The following DNAJB4 variants were observed in gnomAD, a reference collection of about 807,000 sequenced individuals.
DNAJB4 encodes DnaJ heat shock protein family (Hsp40) member B4, also known as dnaJ homolog subfamily B member 4.
In DNAJB4, 10 loss-of-function variants were observed where a neutral mutation model predicts 26.6. That is an observed-to-expected ratio of 0.38 (90% confidence interval 0.23 to 0.64). DNAJB4 has a LOEUF of 0.64. Among genes scored for constraint, DNAJB4 ranks in the 30% least tolerant of loss-of-function variants. The probability of loss-of-function intolerance (pLI) is 0.58; values close to 1 mark genes in which losing one functional copy is unlikely to be tolerated. For missense variants in DNAJB4, 328 were observed against 408.2 expected (o/e 0.80, Z 1.69); for synonymous variants, 136 against 134.8 (o/e 1.01, Z -0.06).
rs561616237 is a variant in DNAJB4 at position 77,983,324 on chromosome 1, C to T, written c.-32+3002C>T. Among the ~76,000 whole-genome samples, 1,337 of 152,304 alleles carry T rather than the reference C, an allele frequency of 8.8e-3. 8 individuals carry two copies. The highest frequency in any genetic ancestry group is 0.014 in the Non-Finnish European group (921 of 68,026). ...GGTTTTATACCGAGACATTCCATTG[C>T]CCAGGGATGGGCAGGAGACAGATGC... On this transcript the variant is annotated intron_variant, in intron 1 of 2. Transcript: ENST00000426517.
upstream of DNAJB4, among the ~76,000 whole-genome samples, chr1:78,003,047 C>A (rs1441809438): frequency 5.3e-5 from 8 of 151,492 alleles, no homozygotes; most frequent in Non-Finnish European, 8.8e-5. Flanking sequence ...TTTCTGCAAA[C>A]ACTACCCGCC....
At chr1:77,988,764 G>A (rs10873960) in intron 1 of DNAJB4, among the ~76,000 whole-genome samples, 139,291 of 152,272 alleles carry the variant, frequency 0.91, 63,870 homozygotes, top group African/African-American at 0.95. Context: ...TTTTATCACC[G>A]TCTAACACAA....
In DNAJB4 at chr1:78,015,473, T is replaced by C. The variant is rs1660610362; in HGVS notation, c.781-541T>C. ...TTCTTTTTTTTTTTTTTTTGTAACA[T>C]ATCTAATAATGCATGTCCTGAAGGA... On this transcript the variant is annotated intron_variant, in intron 2 of 2. Transcript: ENST00000370763. 6.1e-5 allele frequency among the ~76,000 whole-genome samples: 9 copies of C among 148,608 alleles called. No individual in the cohort carries two copies. The South Asian group carries it at 1.9e-3, about 32-fold the overall frequency.
Position 78,013,555 on chromosome 1 carries a change from A to G in DNAJB4, c.716A>G (p.Asp239Gly), listed in dbSNP as rs778941840. Residue 239 changes from aspartate to glycine, a missense_variant, in exon 2 of 3, where the codon GAT (aspartate) becomes GGT (glycine). Asp to Gly is a moderately conservative substitution (Grantham distance 94). Transcript: ENST00000370763. ...ATTGTTTTTATCATTAAAGACAAAGATCATCCAAAATTTAAAAGGGATGGA... is the reference window on the plus strand; with the variant it reads ...ATTGTTTTTATCATTAAAGACAAAGGTCATCCAAAATTTAAAAGGGATGGA... Reference protein sequence around the residue: ...ADIVFIIKDKDHPKFKRDGSN... With the variant: ...ADIVFIIKDKGHPKFKRDGSN... 6.2e-7 allele frequency: 1 copy of G among 1,610,922 alleles called. No homozygotes were observed. The highest frequency in any genetic ancestry group is 1.1e-5 in the South Asian group (1 of 90,416).
intron 1 of DNAJB4, among the ~76,000 whole-genome samples, chr1:78,012,154 CTTTTCTTTTTTTTTTTTTT>C (rs1220455603): frequency 1.4e-5 from 1 of 69,342 alleles, no homozygotes; most frequent in Non-Finnish European, 2.7e-5. Context: ...TTTTTCTTTT[CTTTTCTTTTTTTTTTTTTT>C]TTTTTTTGAG....
intron 1 of DNAJB4, among the ~76,000 whole-genome samples, chr1:77,999,131 T>C (rs1248383368): frequency 6.6e-6 from 1 of 152,212 alleles, no homozygotes; most frequent in Non-Finnish European, 1.5e-5. Flanking sequence ...AGGTAAGATA[T>C]AGTCCGTTAT....
At chr1:78,004,789 C>G (rs1409994240), upstream of DNAJB4, 2 of 273,618 alleles carry the variant, frequency 7.3e-6, no homozygotes, top group Non-Finnish European at 1.4e-5. Context: ...AAACATAGCT[C>G]AGTACTTTGA....
chr1:78,014,741 C>T (rs1374752583), intron 2 of DNAJB4, among the ~76,000 whole-genome samples: 1 of 152,010 alleles, frequency 6.6e-6, no homozygotes, highest in Non-Finnish European at 1.5e-5. Flanking sequence ...GCTGGGATTA[C>T]AGGTGCCCGC....
At chr1:77,999,403 T>C (rs1014707654) in intron 1 of DNAJB4, among the ~76,000 whole-genome samples, 1 of 151,698 alleles carries the variant, frequency 6.6e-6, no homozygotes, top group African/African-American at 2.4e-5. Context: ...ATTATATAAA[T>C]GTTATTATGG....
At chr1:78,001,591 A>G (rs2102601873), upstream of DNAJB4, among the ~76,000 whole-genome samples, 1 of 152,366 alleles carries the variant, frequency 6.6e-6, no homozygotes, top group South Asian at 2.1e-4. Flanking sequence ...TTTATTATAT[A>G]TGAATAAAGT....
chr1:78,002,605 A>G (rs537444936), upstream of DNAJB4, among the ~76,000 whole-genome samples: 10 of 152,116 alleles, frequency 6.6e-5, no homozygotes, highest in Non-Finnish European at 1.3e-4. Flanking sequence ...GGCTTTTACT[A>G]TTGCCAAATG....
intron 1 of DNAJB4, among the ~76,000 whole-genome samples, chr1:78,010,633 A>C (rs896759320): frequency 6.6e-6 from 1 of 152,194 alleles, no homozygotes; most frequent in South Asian, 2.1e-4. Flanking sequence ...AAAATTTTAG[A>C]TATCACTTGA....
rs1359367590 is a variant in DNAJB4, at chr1:78,008,590, C to T, written c.211+3269C>T. Among the ~76,000 whole-genome samples, 9 of 152,020 alleles carry T rather than the reference C, an allele frequency of 5.9e-5. No individual in the cohort carries two copies. In the East Asian group the frequency reaches 7.7e-4, roughly 13 times the overall value. ...TCTTGCCTAGGACTTGAGGTGGGAGCGGGGATTAGCTACAAATAAGAACTA... is the reference window on the plus strand; with the variant it reads ...TCTTGCCTAGGACTTGAGGTGGGAGTGGGGATTAGCTACAAATAAGAACTA... On this transcript the variant is annotated intron_variant, in intron 1 of 2. Transcript: ENST00000370763.
At chr1:78,011,130 G>A (rs1660460556) in intron 1 of DNAJB4, among the ~76,000 whole-genome samples, 1 of 152,064 alleles carries the variant, frequency 6.6e-6, no homozygotes, top group Admixed American at 6.5e-5. Flanking sequence ...TTGAGTTTTA[G>A]TAGAACATTT....
chr1:78,015,547 C>CT (rs1490718518), intron 2 of DNAJB4, among the ~76,000 whole-genome samples: 8 of 50,702 alleles, frequency 1.6e-4, no homozygotes, highest in African/African-American at 6.2e-4. Context: ...TTCTTTCTTT[C>CT]TTCTTTTTTT....
At position 78,016,937 on chromosome 1, in the gene DNAJB4, AT is replaced by A; in HGVS notation, c.*694del. 6.6e-6 allele frequency: 1 copy of A among 152,262 alleles called. No homozygotes were observed. Among genetic ancestry groups the A allele is most frequent in the Non-Finnish European group, 1.5e-5 (1 of 67,960 alleles). The allele number at this position is 152,262 out of a possible 1,614,324, so 9.4% of individuals were successfully genotyped here. A position where few individuals can be genotyped will look rare whatever the true frequency, so the allele number is the denominator to read the frequency against. ...TAGACTTTTTAAAATGCCATATGTAATTTTATGCAAGTTGACTATATATCTT... is the reference window on the plus strand; with the variant it reads ...TAGACTTTTTAAAATGCCATATGTAATTTATGCAAGTTGACTATATATCTT... On this transcript the variant is annotated 3_prime_UTR_variant, in exon 3 of 3. Coordinates refer to ENST00000370763, the MANE Select transcript of DNAJB4 (RefSeq NM_007034.5).
At chr1:77,990,554 T>G (rs149215338) in intron 1 of DNAJB4, among the ~76,000 whole-genome samples, 1 of 152,240 alleles carries the variant, frequency 6.6e-6, no homozygotes, top group Non-Finnish European at 1.5e-5. Context: ...TGCAGTCTTA[T>G]GCAGCAAAAC....
chr1:77,984,388 A>C (rs1445586827), intron 1 of DNAJB4, among the ~76,000 whole-genome samples: 3 of 152,314 alleles, frequency 2.0e-5, no homozygotes, highest in Middle Eastern at 3.4e-3. Flanking sequence ...CATCATCAAG[A>C]GTGCTTTTTA....
At chr1:78,010,116 A>T (rs1423433348) in intron 1 of DNAJB4, among the ~76,000 whole-genome samples, 1 of 152,164 alleles carries the variant, frequency 6.6e-6, no homozygotes, top group African/African-American at 2.4e-5. Flanking sequence ...TTGGCAGAGG[A>T]GGAAGAGGTT....
Sources: gnomAD v4.1 joint callset for allele counts (sites outside exome capture counted in the v4.1 genomes callset) on GRCh38, gnomAD v4.1.1 for gene constraint, MANE v1.5 for transcripts, NCBI Gene and HGNC (gene_info 2026-07-23, HGNC 2026-07-21) for gene names.